TBC1D31: variants seen among roughly 807,000 people sequenced by gnomAD.
The protein encoded by TBC1D31 is WD repeat domain 67.
In TBC1D31, 99 loss-of-function variants were observed where a neutral mutation model predicts 132.9. The observed-to-expected ratio is 0.74, with a 90% CI of 0.63 to 0.88. TBC1D31 has a LOEUF of 0.88. Ranked by LOEUF, TBC1D31 falls within the 40% of genes least tolerant of loss-of-function variation. The pLI is 0.00. For missense variants in TBC1D31, 1,134 were observed against 1,256.6 expected, an observed-to-expected ratio of 0.90 and a Z score of 1.48; for synonymous variants, 385 against 419.4, an observed-to-expected ratio of 0.92 and a Z score of 1.00.
intron 20 of TBC1D31, among the ~76,000 whole-genome samples, chr8:123,145,911 C>T (rs1822157209): frequency 7.1e-6 from 1 of 140,088 alleles, no homozygotes; most frequent in African/African-American, 2.7e-5. Context: ...GCTCTTGTCT[C>T]CCAGGCTGGA....
chr8:123,098,785 A>G (rs1817077145), intron 6 of TBC1D31, among the ~76,000 whole-genome samples: 2 of 152,218 alleles, frequency 1.3e-5, no homozygotes. Context: ...TCTTTGTAGG[A>G]TAAAATCCCA....
chr8:123,120,963 C>CTT (rs71310658), intron 11 of TBC1D31, among the ~76,000 whole-genome samples: 8,419 of 135,758 alleles, frequency 0.062, 396 homozygotes, highest in Admixed American at 0.14. Context: ...ATTTTAACCT[C>CTT]TTTTTTTTTT....
intron 10 of TBC1D31, among the ~76,000 whole-genome samples, chr8:123,116,519 C>A (rs562410309): frequency 6.6e-6 from 1 of 152,004 alleles, no homozygotes; most frequent in East Asian, 1.9e-4. Context: ...TAGTTCTTAA[C>A]GTATATGCAG....
intron 17 of TBC1D31, among the ~76,000 whole-genome samples, chr8:123,136,297 C>T (rs1369466274): frequency 6.6e-6 from 1 of 152,056 alleles, no homozygotes; most frequent in Non-Finnish European, 1.5e-5. Flanking sequence ...ATGTTCGTGA[C>T]TCTGTCTTTG....
chr8:123,156,975 CCAAGGG>C (rs112129153), downstream of TBC1D31, among the ~76,000 whole-genome samples: 78 of 152,284 alleles, frequency 5.1e-4, no homozygotes, highest in Middle Eastern at 3.4e-3. Context: ...CGGCCAGTGC[CCAAGGG>C]CAAGGGCAAG....
intron 17 of TBC1D31, 43 bp from the exon 18 acceptor site, chr8:123,140,718 G>A (rs778591035): frequency 3.9e-5 from 58 of 1,506,344 alleles, no homozygotes; most frequent in Middle Eastern, 3.5e-4. Flanking sequence ...GTATTCTAGC[G>A]TTATATAAAT....
At position 123,142,199 on chromosome 8, in the gene TBC1D31, T is replaced by C; in HGVS notation, c.2641-63T>C. The C allele has an allele frequency of 2.3e-6, 3 of 1,287,026 alleles. No individual in the cohort carries two copies. In the South Asian group the frequency reaches 4.7e-5, roughly 20 times the overall value. The allele number at this position is 1,287,026 out of a possible 1,614,324, so 79.7% of individuals were successfully genotyped here. ...CAGACACTTGGATACATTGAATGGTTATACCTTCATTTTATGTACTAGTAG... is the reference window on the plus strand; with the variant it reads ...CAGACACTTGGATACATTGAATGGTCATACCTTCATTTTATGTACTAGTAG... On this transcript the variant is annotated intron_variant, in intron 18 of 21. Transcript: ENST00000287380.
rs1817839788 is a variant in TBC1D31, at chr8:123,105,483, TA to T, written c.1209+22del. On this transcript the variant is annotated intron_variant, in intron 8 of 21. Coordinates refer to ENST00000287380, the MANE Select transcript of TBC1D31 (RefSeq NM_145647.4). The stretch of plus-strand genomic sequence containing the variant: ...TAAAAAGGTAAGAATATTTGGTAAT[TA>T]AACTTTGTCATGATTCTGCTGTAGA... 1.9e-6 allele frequency: 3 copies of T among 1,594,888 alleles called. No homozygotes were observed. In the South Asian group the frequency reaches 3.4e-5, roughly 18 times the overall value.
At chr8:123,128,935 A>G (rs143215377) in intron 14 of TBC1D31, 131 bp from the exon 15 acceptor site, 2 of 631,340 alleles carry the variant, frequency 3.2e-6, no homozygotes, top group East Asian at 3.2e-5. Context: ...TTTGAAGGCT[A>G]GAAATATTAA....
chr8:123,122,200 A>C (rs1220231064), intron 11 of TBC1D31, among the ~76,000 whole-genome samples: 1 of 152,246 alleles, frequency 6.6e-6, no homozygotes, highest in Non-Finnish European at 1.5e-5. Context: ...GTATATACCC[A>C]AAAGAATTGA....
At chr8:123,102,916 T>C (rs1042794759) in intron 7 of TBC1D31, 1 of 152,280 alleles carries the variant, frequency 6.6e-6, no homozygotes, top group Admixed American at 6.5e-5. Context: ...AGGAAGGCTG[T>C]GGCTTACCTT....
At chr8:123,086,237 C>T (rs575148159) in intron 4 of TBC1D31, among the ~76,000 whole-genome samples, 63 of 152,340 alleles carry the variant, frequency 4.1e-4, no homozygotes, top group African/African-American at 1.4e-3. Context: ...TTCTCTCCAC[C>T]TAGTCAAATC....
chr8:123,122,053 G>A (rs1390441620), intron 11 of TBC1D31, among the ~76,000 whole-genome samples: 5 of 152,176 alleles, frequency 3.3e-5, no homozygotes, highest in African/African-American at 1.2e-4. Context: ...ATGTTAATGA[G>A]GATGTGGGAA....
At chr8:123,113,736 C>G (rs1818659792) in intron 10 of TBC1D31, among the ~76,000 whole-genome samples, 1 of 139,660 alleles carries the variant, frequency 7.2e-6, no homozygotes, top group South Asian at 2.2e-4. Context: ...TTAGTTAAAG[C>G]TTCAAAGCAA....
At chr8:123,122,556 T>C (rs983302430) in intron 11 of TBC1D31, among the ~76,000 whole-genome samples, 1 of 152,232 alleles carries the variant, frequency 6.6e-6, no homozygotes, top group Non-Finnish European at 1.5e-5. Flanking sequence ...GAGCTAGTCC[T>C]GAATGGATAC....
At chr8:123,084,774 C>CT (rs11322501) in intron 4 of TBC1D31, among the ~76,000 whole-genome samples, 69 of 147,612 alleles carry the variant, frequency 4.7e-4, no homozygotes, top group African/African-American at 1.2e-3. Context: ...ATCCATCTTT[C>CT]TTTTTTTTTT....
chr8:123,151,968 G>A lies in TBC1D31; in HGVS notation c.*29G>A. 1.4e-6 allele frequency: 2 copies of A among 1,440,550 alleles called. No homozygotes were observed. The highest frequency in any genetic ancestry group is 1.8e-6 in the Non-Finnish European group (2 of 1,091,050). The allele number at this position is 1,440,550 out of a possible 1,614,324, so 89.2% of individuals were successfully genotyped here. On this transcript the variant is annotated 3_prime_UTR_variant, in exon 22 of 22. Coordinates refer to ENST00000287380, the MANE Select transcript of TBC1D31 (RefSeq NM_145647.4). ...GCATGTCACCTTGAGACGGTCGAGAGAGAGACCTATTTTGCAATCAGTGAC... is the reference window on the plus strand; with the variant it reads ...GCATGTCACCTTGAGACGGTCGAGAAAGAGACCTATTTTGCAATCAGTGAC...
Position 123,077,094 on chromosome 8 carries a change from G to GT in TBC1D31, c.78-10dup, listed in dbSNP as rs1374474866. 2 of 1,562,928 alleles carry GT rather than the reference G, an allele frequency of 1.3e-6. No individual in the cohort carries two copies. The highest frequency in any genetic ancestry group is 2.0e-5 in the Admixed American group (1 of 49,930). ...TACGTGACATAGATTCAATGTTTGG[G>GT]TTTTTTTCTTTGACAGAATTATAGT... On this transcript the variant is annotated splice_polypyrimidine_tract_variant and intron_variant, in intron 1 of 21. Coordinates refer to ENST00000287380, the MANE Select transcript of TBC1D31 (RefSeq NM_145647.4).
Position 123,151,796 on chromosome 8 carries a change from C to T in TBC1D31, c.3068-10C>T, listed in dbSNP as rs201423789. On this transcript the variant is annotated splice_polypyrimidine_tract_variant and intron_variant, in intron 21 of 21. Coordinates refer to ENST00000287380, the MANE Select transcript of TBC1D31 (RefSeq NM_145647.4). ...CTCAGCTTTTCTAAATTTTAAATTT[C>T]GTTTTCAAGTTTCTTTAAATAGAAG... 591 of 1,548,658 alleles carry T rather than the reference C, an allele frequency of 3.8e-4. No homozygotes were observed. The highest frequency in any genetic ancestry group is 2.9e-3 in the African/African-American group (207 of 70,582).
Sources: gnomAD v4.1 joint callset for allele counts (sites outside exome capture counted in the v4.1 genomes callset) on GRCh38, gnomAD v4.1.1 for gene constraint, MANE v1.5 for transcripts, NCBI Gene and HGNC (gene_info 2026-07-23, HGNC 2026-07-21) for gene names.